The following ARID4A variants were observed in gnomAD, a reference collection of about 807,000 sequenced individuals.
The protein encoded by ARID4A is AT-rich interactive domain-containing protein 4A.
ARID4A carries 39 observed loss-of-function variants against 148.6 expected under a neutral mutation model. That is an observed-to-expected ratio of 0.26 (90% confidence interval 0.20 to 0.34). The LOEUF is 0.34. Among genes scored for constraint, ARID4A ranks in the 10% least tolerant of loss-of-function variants. The pLI, the probability that ARID4A is intolerant of heterozygous loss-of-function variation, is 1.00. For synonymous variants in ARID4A, 475 were observed against 481.2 expected, an observed-to-expected ratio of 0.99 and a Z score of 0.17; for missense variants, 1,265 against 1,449.1, an observed-to-expected ratio of 0.87 and a Z score of 2.06.
chr14:58,316,038 A>G (rs2032385599), intron 5 of ARID4A, among the ~76,000 whole-genome samples: 1 of 152,250 alleles, frequency 6.6e-6, no homozygotes, highest in African/African-American at 2.4e-5. Context: ...AAGCTTTTAT[A>G]TAATTTTCTT....
Position 58,346,343 on chromosome 14 carries a change from G to A in ARID4A, c.980-68G>A, listed in dbSNP as rs569922798. 42 of 1,126,690 alleles carry A rather than the reference G, an allele frequency of 3.7e-5. No homozygotes were observed. In the African/African-American group the frequency reaches 4.2e-4, roughly 11 times the overall value. 69.8% of individuals were successfully genotyped at this position (1,126,690 alleles called of 1,614,324 possible). On this transcript the variant is annotated intron_variant, in intron 12 of 23. Coordinates refer to ENST00000355431, the MANE Select transcript of ARID4A (RefSeq NM_002892.4). ...AAATTGGGGAAATTAGAAATTGACC[G>A]CTTTGTTTTCAAATTAGTATTTCTC...
At chr14:58,314,661 T>A (rs1434423588) in intron 5 of ARID4A, among the ~76,000 whole-genome samples, 2 of 152,112 alleles carry the variant, frequency 1.3e-5, no homozygotes, top group Non-Finnish European at 1.5e-5. Flanking sequence ...ACTCCTGGAC[T>A]CAAGGGATTC....
chr14:58,330,469 G>A (rs886635070), intron 11 of ARID4A, among the ~76,000 whole-genome samples: 12 of 152,038 alleles, frequency 7.9e-5, no homozygotes, highest in South Asian at 2.1e-4. Context: ...GTAATTTTTA[G>A]GTATTTTATA....
At chr14:58,348,431 AGTGCCT>A (rs1218683584) in intron 15 of ARID4A, among the ~76,000 whole-genome samples, 2 of 152,204 alleles carry the variant, frequency 1.3e-5, no homozygotes, top group Admixed American at 6.5e-5. Flanking sequence ...ACCTCTTTAT[AGTGCCT>A]GTGCCCTAAA....
At chr14:58,338,274 G>GT (rs1295169468) in intron 11 of ARID4A, among the ~76,000 whole-genome samples, 1 of 152,064 alleles carries the variant, frequency 6.6e-6, no homozygotes, top group African/African-American at 2.4e-5. Flanking sequence ...ATTTACCTTA[G>GT]TTTTAGTATT....
chr14:58,330,194 C>A (rs781632651), intron 11 of ARID4A, 25 bp downstream of exon 11: 1 of 1,600,158 alleles, frequency 6.2e-7, no homozygotes, highest in East Asian at 2.2e-5. Flanking sequence ...ATGTTTGTAA[C>A]AAAAACATCT....
At chr14:58,318,153 G>T (rs1414083897) in intron 5 of ARID4A, among the ~76,000 whole-genome samples, 1 of 151,944 alleles carries the variant, frequency 6.6e-6, no homozygotes, top group East Asian at 1.9e-4. Flanking sequence ...GGAAGTTAGG[G>T]GTACTCTAAT....
intron 1 of ARID4A, chr14:58,299,559 G>T: frequency 1.9e-6 from 1 of 528,766 alleles, no homozygotes; most frequent in Non-Finnish European, 3.4e-6. Context: ...AGTGGCCAGC[G>T]AGGCGGGGGC....
chr14:58,373,667 G>A lies in ARID4A; in HGVS notation c.*1678G>A, dbSNP rs966997065. The A allele has an allele frequency of 5.7e-6, 1 of 174,810 alleles. No homozygotes were observed. The highest frequency in any genetic ancestry group is 2.4e-5 in the African/African-American group (1 of 42,158). 10.8% of individuals were successfully genotyped at this position (174,810 alleles called of 1,614,324 possible). On this transcript the variant is annotated 3_prime_UTR_variant, in exon 24 of 24. Coordinates refer to ENST00000355431, the MANE Select transcript of ARID4A (RefSeq NM_002892.4). ...TCTGTCTTTTCTTTGCAAAGCAGAA[G>A]TATCTCAATGTAAAATAAAAATGGA...
chr14:58,350,943 T>C (rs2034610601), intron 15 of ARID4A, 130 bp from the exon 16 acceptor site: 2 of 763,920 alleles, frequency 2.6e-6, no homozygotes, highest in Non-Finnish European at 3.9e-6. Context: ...AAAGGTACCT[T>C]TGAGTTGGTT....
At chr14:58,331,352 T>C (rs1028383133) in intron 11 of ARID4A, 1 of 152,170 alleles carries the variant, frequency 6.6e-6, no homozygotes, top group African/African-American at 2.4e-5. Context: ...ATGTCTGATT[T>C]TTATGTGGAA....
At chr14:58,313,151 T>C (rs1015631881) in intron 5 of ARID4A, among the ~76,000 whole-genome samples, 6 of 152,206 alleles carry the variant, frequency 3.9e-5, no homozygotes, top group African/African-American at 1.4e-4. Context: ...TAATCCCTAT[T>C]AGGATTCTCT....
chr14:58,312,249 C>CT (rs1282375300), intron 5 of ARID4A, among the ~76,000 whole-genome samples: 10 of 148,076 alleles, frequency 6.8e-5, no homozygotes, highest in African/African-American at 2.5e-4. Flanking sequence ...TGGAGTCTCG[C>CT]TTTGTTGCCC....
rs758073613 is a variant in ARID4A, at chr14:58,359,183, T to C, written c.1905T>C (p.Gly635=). The C allele has an allele frequency of 1.3e-6, 2 of 1,594,532 alleles. No individual in the cohort carries two copies. The highest frequency in any genetic ancestry group is 4.5e-5 in the East Asian group (2 of 44,210). Residue 635 remains glycine, a synonymous_variant, in exon 18 of 24, where the codon GGT becomes GGC. Transcript: ENST00000355431. Reference sequence around the variant, plus strand: ...GGATAATCTGGCCTTTGGACAAAGGTGGACCAAAGAAAAAACAGAAGAAAA... The same window carrying C: ...GGATAATCTGGCCTTTGGACAAAGGCGGACCAAAGAAAAAACAGAAGAAAA... ...ADRIIWPLDK[G]GPKKKQKKKA...
chr14:58,368,251 C>T (rs561003717), intron 23 of ARID4A, among the ~76,000 whole-genome samples: 1 of 152,170 alleles, frequency 6.6e-6, no homozygotes, highest in Non-Finnish European at 1.5e-5. Context: ...AGGCCTAATC[C>T]TCTTGGCTTC....
At chr14:58,332,180 G>T (rs2033567770) in intron 11 of ARID4A, among the ~76,000 whole-genome samples, 1 of 152,072 alleles carries the variant, frequency 6.6e-6, no homozygotes, top group Non-Finnish European at 1.5e-5. Context: ...AAAGAATGAA[G>T]AGCAGAGGCA....
intron 5 of ARID4A, among the ~76,000 whole-genome samples, chr14:58,312,818 T>C (rs1860727178): frequency 1.3e-5 from 2 of 152,218 alleles, no homozygotes; most frequent in Non-Finnish European, 2.9e-5. Context: ...AGGAGGATAA[T>C]GGTTCCTACT....
chr14:58,334,466 A>C (rs1321583890), intron 11 of ARID4A, among the ~76,000 whole-genome samples: 1 of 152,146 alleles, frequency 6.6e-6, no homozygotes, highest in Non-Finnish European at 1.5e-5. Context: ...TGTAGGTGTA[A>C]AACAGGAAAG....
rs1237343864 is a variant in ARID4A, at chr14:58,364,530, A to C, written c.2441A>C (p.Gln814Pro). 2 of 1,611,600 alleles carry C rather than the reference A, an allele frequency of 1.2e-6. No homozygotes were observed. The highest frequency in any genetic ancestry group is 2.2e-5 in the South Asian group (2 of 90,182). Residue 814 changes from glutamine to proline, a missense_variant, in exon 20 of 24, where the codon CAG becomes CCG. Transcript: ENST00000355431. The stretch of plus-strand genomic sequence containing the variant: ...ATTATAAAGATTTCATCATTTGGCC[A>C]GAATGAAGCAGGAAGTGAACCTCAT... ...LEIIKISSFG[Q>P]NEAGSEPHIE...
Sources: gnomAD v4.1 joint callset for allele counts (sites outside exome capture counted in the v4.1 genomes callset) on GRCh38, gnomAD v4.1.1 for gene constraint, MANE v1.5 for transcripts, NCBI Gene and HGNC (gene_info 2026-07-23, HGNC 2026-07-21) for gene names.